PAPSS1: variants seen among roughly 807,000 people sequenced by gnomAD.
PAPSS1 encodes the protein 3'-phosphoadenosine 5'-phosphosulfate synthase 1.
A neutral mutation model predicts 72.0 loss-of-function variants in PAPSS1; 50 were observed. That is an observed-to-expected ratio of 0.69 (90% CI 0.55 to 0.88). The LOEUF (loss-of-function observed/expected upper bound fraction) is 0.88, where lower values mean the gene tolerates loss of function less well. Among genes scored for constraint, PAPSS1 ranks in the 40% least tolerant of loss-of-function variants. The pLI, the probability that PAPSS1 is intolerant of heterozygous loss-of-function variation, is 0.00. For synonymous variants in PAPSS1, 261 were observed against 263.6 expected, an observed-to-expected ratio of 0.99 and a Z score of 0.09; for missense variants, 657 against 782.2, an observed-to-expected ratio of 0.84 and a Z score of 1.91.
intron 2 of PAPSS1, among the ~76,000 whole-genome samples, chr4:107,698,422 A>G (rs762691801): frequency 2.6e-5 from 4 of 152,210 alleles, no homozygotes; most frequent in Admixed American, 2.0e-4. Flanking sequence ...ATACACGTTT[A>G]TGAAAACTAC....
At chr4:107,706,766 G>A (rs1272489060) in intron 1 of PAPSS1, among the ~76,000 whole-genome samples, 2 of 152,176 alleles carry the variant, frequency 1.3e-5, no homozygotes, top group East Asian at 1.9e-4. Flanking sequence ...CTTTATTTGG[G>A]AAGCACTTCA....
At chr4:107,624,102 T>A (rs1726035180) in intron 11 of PAPSS1, among the ~76,000 whole-genome samples, 2 of 152,190 alleles carry the variant, frequency 1.3e-5, no homozygotes, top group African/African-American at 2.4e-5. Flanking sequence ...CTCATCATCC[T>A]CCTTTGACTC....
At chr4:107,647,614 C>T (rs750519695) in intron 9 of PAPSS1, among the ~76,000 whole-genome samples, 22 of 152,126 alleles carry the variant, frequency 1.4e-4, no homozygotes, top group South Asian at 8.3e-4. Flanking sequence ...CATCCATAAA[C>T]GCACTGTCCT....
rs1378684778 is a variant in PAPSS1 at position 107,720,176 on chromosome 4, C to A, written c.4G>T (p.Glu2Ter). ...TTCTTGCACAGGCTCCCGGGGATCT[C>A]CATGACCGCGGAGCGCGCTGAGCAG... M[E>*]IPGSLCKKVK... The change falls in exon 1 of 12, where the codon GAG (glutamate) becomes TAG (stop). Residue 2 changes from glutamate (E) to a stop codon, truncating the protein, a stop_gained. Coordinates refer to ENST00000265174, the MANE Select transcript of PAPSS1 (RefSeq NM_005443.5). LOFTEE classifies it high-confidence loss of function. The A allele has an allele frequency of 6.2e-7, 1 of 1,602,552 alleles. No homozygotes were observed. The highest frequency in any genetic ancestry group is 8.5e-7 in the Non-Finnish European group (1 of 1,175,366).
intron 9 of PAPSS1, among the ~76,000 whole-genome samples, chr4:107,648,483 C>T (rs1726750780): frequency 6.6e-6 from 1 of 152,148 alleles, no homozygotes; most frequent in African/African-American, 2.4e-5. Flanking sequence ...CTCAGACTTC[C>T]CAGAACTGTG....
intron 5 of PAPSS1, among the ~76,000 whole-genome samples, chr4:107,660,442 CCATTTTATTCCAGCTTTTATATA>C (rs1727147652): frequency 6.6e-6 from 1 of 152,156 alleles, no homozygotes; most frequent in South Asian, 2.1e-4. Flanking sequence ...TATCACGAAA[CCATTTTATTCCAGCTTTTATATA>C]TACCTTTATC....
chr4:107,706,123 G>A (rs957528753), intron 1 of PAPSS1, among the ~76,000 whole-genome samples: 3 of 152,168 alleles, frequency 2.0e-5, no homozygotes, highest in Non-Finnish European at 4.4e-5. Context: ...ATGTCTTGAG[G>A]TAGTCTTGTT....
intron 3 of PAPSS1, among the ~76,000 whole-genome samples, chr4:107,690,040 A>G (rs902197409): frequency 1.3e-5 from 2 of 152,116 alleles, no homozygotes; most frequent in African/African-American, 4.8e-5. Context: ...CTGCTGCTTG[A>G]GTTCACATCC....
intron 9 of PAPSS1, among the ~76,000 whole-genome samples, chr4:107,647,095 A>G (rs1214040879): frequency 1.3e-5 from 2 of 152,212 alleles, no homozygotes; most frequent in African/African-American, 4.8e-5. Flanking sequence ...GCAGCTGGAG[A>G]CATGCTGAGC....
intron 11 of PAPSS1, 95 bp downstream of exon 11, chr4:107,631,536 C>T (rs1726223759): frequency 3.7e-6 from 3 of 815,254 alleles, no homozygotes; most frequent in Non-Finnish European, 3.9e-6. Context: ...ACCACAAAAC[C>T]TGTCATCAGT....
chr4:107,656,454 A>G (rs1317684666), intron 7 of PAPSS1, among the ~76,000 whole-genome samples: 3 of 152,176 alleles, frequency 2.0e-5, no homozygotes, highest in Non-Finnish European at 4.4e-5. Context: ...TAATGTTTTA[A>G]AAGAATAGGA....
chr4:107,694,339 C>A (rs985632245), intron 2 of PAPSS1: 20 of 245,212 alleles, frequency 8.2e-5, no homozygotes, highest in Admixed American at 2.5e-4. Context: ...ATTCATTATG[C>A]AAAGCAATCT....
At chr4:107,715,493 C>A (rs1017034268) in intron 1 of PAPSS1, among the ~76,000 whole-genome samples, 1 of 152,210 alleles carries the variant, frequency 6.6e-6, no homozygotes, top group African/African-American at 2.4e-5. Flanking sequence ...CTTCTCTGTT[C>A]TTATTTCATT....
chr4:107,653,100 TATGAATATATATGAATATATAC>T (rs1197962299), intron 9 of PAPSS1, among the ~76,000 whole-genome samples: 12 of 144,580 alleles, frequency 8.3e-5, no homozygotes, highest in South Asian at 2.1e-4. Flanking sequence ...TATGAATACA[TATGAATATATATGAATATATAC>T]ATGAATATAT....
chr4:107,716,778 G>A (rs958457249), intron 1 of PAPSS1, among the ~76,000 whole-genome samples: 8 of 152,146 alleles, frequency 5.3e-5, no homozygotes, highest in Admixed American at 1.3e-4. Context: ...ATTCCCACAG[G>A]TATATGGACA....
At chr4:107,674,986 G>A (rs529233198) in intron 5 of PAPSS1, among the ~76,000 whole-genome samples, 6 of 152,124 alleles carry the variant, frequency 3.9e-5, no homozygotes, top group South Asian at 2.1e-4. Context: ...TGAAACCAAC[G>A]AGAACAAAGA....
In PAPSS1 at chr4:107,635,390, A is replaced by T. The variant is rs138679218; in HGVS notation, c.1507-3530T>A. ...TTTGCTGATCTTTTTTCACTAGGGTACAGCTTAAAATAAACTAAAAGAATT... is the reference window on the plus strand; with the variant it reads ...TTTGCTGATCTTTTTTCACTAGGGTTCAGCTTAAAATAAACTAAAAGAATT... On this transcript the variant is annotated intron_variant, in intron 10 of 11. Coordinates refer to ENST00000265174, the MANE Select transcript of PAPSS1 (RefSeq NM_005443.5). Among the ~76,000 whole-genome samples, 433 of 152,338 alleles carry T rather than the reference A, an allele frequency of 2.8e-3. 2 individuals carry two copies. Among genetic ancestry groups the T allele is most frequent in the African/African-American group, 9.7e-3 (405 of 41,578 alleles).
chr4:107,671,091 A>G (rs1365615651), intron 5 of PAPSS1, among the ~76,000 whole-genome samples: 1 of 152,168 alleles, frequency 6.6e-6, no homozygotes, highest in African/African-American at 2.4e-5. Flanking sequence ...CAAGATGCAA[A>G]GTCCTGTGCA....
intron 10 of PAPSS1, among the ~76,000 whole-genome samples, chr4:107,633,112 T>C (rs1721993971): frequency 6.6e-6 from 1 of 152,234 alleles, no homozygotes; most frequent in Non-Finnish European, 1.5e-5. Flanking sequence ...TTATGACTGT[T>C]TAATTTTACA....
Sources: gnomAD v4.1 joint callset for allele counts (sites outside exome capture counted in the v4.1 genomes callset) on GRCh38, gnomAD v4.1.1 for gene constraint, MANE v1.5 for transcripts, NCBI Gene and HGNC (gene_info 2026-07-23, HGNC 2026-07-21) for gene names.